The following VPS13C variants were observed in gnomAD, a reference collection of about 807,000 sequenced individuals.
The protein encoded by VPS13C is vacuolar protein sorting 13 homolog C.
A neutral mutation model predicts 456.8 loss-of-function variants in VPS13C; 358 were observed. The observed-to-expected ratio is 0.78, with a 90% CI of 0.72 to 0.86. The LOEUF (loss-of-function observed/expected upper bound fraction) is 0.86. VPS13C is among the 40% of genes least tolerant of loss of function. The probability of loss-of-function intolerance (pLI) is 0.00; values close to 1 mark genes in which losing one functional copy is unlikely to be tolerated. For missense variants in VPS13C, 4,818 were observed against 4,385.4 expected (o/e 1.10, Z -2.79); for synonymous variants, 1,578 against 1,486.7 (o/e 1.06, Z -1.41).
chr15:62,021,860 A>C (rs2047473423), intron 8 of VPS13C, among the ~76,000 whole-genome samples: 1 of 151,848 alleles, frequency 6.6e-6, no homozygotes, highest in Admixed American at 6.6e-5. Context: ...ATTAAAGACA[A>C]CCCTCAGTTG....
At chr15:62,018,784 G>A (rs904112703) in intron 9 of VPS13C, among the ~76,000 whole-genome samples, 17 of 152,126 alleles carry the variant, frequency 1.1e-4, no homozygotes, top group African/African-American at 4.1e-4. Context: ...TTTGGTATCA[G>A]GATGCTGCTG....
chr15:61,903,154 C>T lies in VPS13C; in HGVS notation c.9105+4110G>A, dbSNP rs1295494795. ...CAGCCTGGGCAACATGGCGAAACTCCGTCTCTACAGAAAAAAAACAAAAAC... is the reference window on the plus strand; with the variant it reads ...CAGCCTGGGCAACATGGCGAAACTCTGTCTCTACAGAAAAAAAACAAAAAC... On this transcript the variant is annotated intron_variant, in intron 66 of 84. Transcript: ENST00000644861. Among the ~76,000 whole-genome samples the T allele has an allele frequency of 4.0e-5, 6 of 151,838 alleles. No individual in the cohort carries two copies. The East Asian group carries it at 5.8e-4, about 15-fold the overall frequency.
In VPS13C at chr15:61,946,318, T is replaced by C; in HGVS notation, c.4969A>G (p.Ile1657Val). 3.1e-6 allele frequency: 5 copies of C among 1,592,542 alleles called. No homozygotes were observed. The highest frequency in any genetic ancestry group is 3.4e-6 in the Non-Finnish European group (4 of 1,173,234). Residue 1657 changes from isoleucine to valine, a missense_variant, in exon 44 of 85, where the codon ATT (isoleucine) becomes GTT (valine). This residue lies in a region of VPS13C where 4,552 missense variants were observed against 4,130.6 expected (regional missense o/e 1.10). Transcript: ENST00000644861. ...TATTTTTTAATCACCTTTTTGTGAA[T>C]GGACTGCAAATCTACATTCATAACT... is the stretch of plus-strand genomic sequence containing the variant. ...IIVMNVDLQSIHKKAVSILGD... is the reference protein window; with the variant it reads ...IIVMNVDLQSVHKKAVSILGD...
intron 81 of VPS13C, chr15:61,864,219 T>G (rs1285072489): frequency 1.6e-6 from 1 of 620,368 alleles, no homozygotes; most frequent in African/African-American, 2.0e-5. Context: ...ATGACAATAT[T>G]AATATGAACA....
At chr15:62,059,877 C>T (rs1245454084) in intron 1 of VPS13C, among the ~76,000 whole-genome samples, 2 of 152,162 alleles carry the variant, frequency 1.3e-5, no homozygotes, top group Admixed American at 1.3e-4. Context: ...CCACTTCGAG[C>T]GTATATGACC....
Position 62,060,329 on chromosome 15 carries a change from C to A in VPS13C, c.46G>T (p.Gly16Trp). 3 of 1,607,336 alleles carry A rather than the reference C, an allele frequency of 1.9e-6. No homozygotes were observed. Among genetic ancestry groups the A allele is most frequent in the Non-Finnish European group, 2.5e-6 (3 of 1,177,356 alleles). ...VVADLLNRFL[G>W]DYVENLNKSQ... ...TTGTTCAGGTTCTCCACATAGTCCC[C>A]CAGGAAGCGGTTCAGCAAGTCCGCG... is the stretch of plus-strand genomic sequence containing the variant. The change falls in exon 1 of 85, where the codon GGG becomes TGG. Residue 16 changes from glycine (G) to tryptophan (W), a missense_variant. Transcript: ENST00000644861.
At chr15:61,864,945 T>G in intron 81 of VPS13C, 1 of 980,098 alleles carries the variant, frequency 1.0e-6, no homozygotes, top group South Asian at 4.7e-5. Context: ...ACTTTCTATC[T>G]TGTATGTATT....
At chr15:62,051,190 C>T (rs2048604818) in intron 1 of VPS13C, among the ~76,000 whole-genome samples, 1 of 152,172 alleles carries the variant, frequency 6.6e-6, no homozygotes, top group Non-Finnish European at 1.5e-5. Flanking sequence ...TAACACTTAA[C>T]TTTATATAAA....
intron 36 of VPS13C, 146 bp downstream of exon 36, chr15:61,959,299 AAAT>A (rs2045113561): frequency 1.5e-6 from 1 of 659,120 alleles, no homozygotes; most frequent in East Asian, 2.8e-5. Flanking sequence ...ATTCTACTGA[AAAT>A]AATAATGATC....
Position 61,925,484 on chromosome 15 carries a change from T to C in VPS13C, c.6581A>G (p.Asn2194Ser). 1 of 1,599,496 alleles carries C rather than the reference T, an allele frequency of 6.3e-7. No individual in the cohort carries two copies. Among genetic ancestry groups the C allele is most frequent in the Non-Finnish European group, 8.5e-7 (1 of 1,171,916 alleles). The change falls in exon 53 of 85, where the codon AAT becomes AGT. Residue 2194 changes from asparagine (N) to serine (S), a missense_variant. Around this residue, in one of 3 missense-constraint regions of VPS13C, gnomAD observed 4,552 missense variants for 4,130.6 expected, o/e 1.10. Coordinates refer to ENST00000644861, the MANE Select transcript of VPS13C (RefSeq NM_020821.3). ...AATTATAAATTCTTTAACCATAATA[T>C]TTATATTTTGCTTTCCTGAAGCCCA... ...CTWASGKQNI[N>S]IMVKEFIIKI...
Position 61,886,985 on chromosome 15 carries a change from C to A in VPS13C, c.9342-2716G>T, listed in dbSNP as rs912614417. 5.9e-5 allele frequency among the ~76,000 whole-genome samples: 9 copies of A among 152,282 alleles called. No individual in the cohort carries two copies. In the East Asian group the frequency reaches 1.7e-3, roughly 29 times the overall value. On this transcript the variant is annotated intron_variant, in intron 67 of 84. Transcript: ENST00000644861. ...TAGTGAGAAACCAGATGCTTTCCCACCAGGATTAGGAACAAGGCAAGTATT... is the reference window on the plus strand; with the variant it reads ...TAGTGAGAAACCAGATGCTTTCCCAACAGGATTAGGAACAAGGCAAGTATT...
chr15:61,904,689 T>C lies in VPS13C; in HGVS notation c.9105+2575A>G, dbSNP rs186912516. On this transcript the variant is annotated intron_variant, in intron 66 of 84. Coordinates refer to ENST00000644861, the MANE Select transcript of VPS13C (RefSeq NM_020821.3). ...CAGAATATTGAAGGTCCCATATTTA[T>C]TGCAACACTATTCACAATAGCTAAG... Among the ~76,000 whole-genome samples the C allele has an allele frequency of 2.8e-3, 422 of 152,222 alleles. 3 individuals are homozygous for C. Among genetic ancestry groups the C allele is most frequent in the Non-Finnish European group, 3.7e-3 (249 of 67,980 alleles).
intron 16 of VPS13C, among the ~76,000 whole-genome samples, chr15:61,992,461 A>C (rs987722058): frequency 3.9e-5 from 6 of 152,170 alleles, no homozygotes; most frequent in African/African-American, 1.2e-4. Flanking sequence ...AATTTCAATA[A>C]TTTTTCCACT....
chr15:61,864,273 A>G, intron 81 of VPS13C: 2 of 815,096 alleles, frequency 2.5e-6, no homozygotes, highest in South Asian at 5.7e-5. Context: ...ATTTCTAAAA[A>G]CAAATATGAG....
intron 42 of VPS13C, 80 bp downstream of exon 42, chr15:61,949,363 C>T (rs2044709356): frequency 1.3e-6 from 2 of 1,491,336 alleles, no homozygotes; most frequent in African/African-American, 2.9e-5. Flanking sequence ...GCTAAATATT[C>T]ATCTTAACTG....
intron 8 of VPS13C, among the ~76,000 whole-genome samples, chr15:62,021,196 T>C (rs946333509): frequency 9.9e-5 from 15 of 151,834 alleles, no homozygotes; most frequent in African/African-American, 2.7e-4. Flanking sequence ...ATGGGTACAA[T>C]GTATATTATG....
chr15:61,966,086 A>G lies in VPS13C; in HGVS notation c.3048T>C (p.Val1016=). The G allele has an allele frequency of 1.9e-6, 3 of 1,601,882 alleles. No homozygotes were observed. Among genetic ancestry groups the G allele is most frequent in the African/African-American group, 1.3e-5 (1 of 74,620 alleles). ...QTAFGKTEQT[V]KVAFSSLNLL... ...TTCCTTTAACAGAATTTCTTACCTT[A>G]ACTGTTTGTTCAGTTTTTCCAAAAG... The change falls in exon 30 of 85, where the codon GTT becomes GTC. Residue 1016 remains valine, a synonymous_variant. Transcript: ENST00000644861.
chr15:61,880,947 T>C lies in VPS13C; in HGVS notation c.9784A>G (p.Met3262Val). ...YSKVLQFKYFMVLIQEMALKI... is the reference protein window; with the variant it reads ...YSKVLQFKYFVVLIQEMALKI... The stretch of plus-strand genomic sequence containing the variant: ...AAGGCCATTTCCTGAATGAGGACCA[T>C]AAAATACCTAAGAAAAAAAATTTAA... The change falls in exon 72 of 85, where the codon ATG becomes GTG. Residue 3262 changes from methionine (M) to valine (V), a missense_variant. Physicochemically the swap from Met to Val is conservative, Grantham distance 21. Transcript: ENST00000644861. 2.5e-6 allele frequency: 4 copies of C among 1,588,244 alleles called. No homozygotes were observed. The South Asian group carries it at 3.5e-5, about 14-fold the overall frequency.
At chr15:61,879,544 A>G (rs1445665325) in intron 73 of VPS13C, 1 of 152,098 alleles carries the variant, frequency 6.6e-6, no homozygotes, top group African/African-American at 2.4e-5. Flanking sequence ...ATGGGCTATG[A>G]AAATAATTGT....
Sources: allele counts gnomAD v4.1 joint callset (sites outside exome capture counted in the v4.1 genomes callset), GRCh38; gene constraint gnomAD v4.1.1; regional missense constraint gnomAD v4.1.1; transcripts MANE v1.5; gene names NCBI Gene and HGNC (gene_info 2026-07-23, HGNC 2026-07-21).